The following EPHA6 variants were observed in gnomAD, a reference collection of about 807,000 sequenced individuals.
EPHA6 encodes ephrin type-A receptor 6.
In EPHA6, 50 loss-of-function variants were observed where a neutral mutation model predicts 112.0. The observed-to-expected ratio is 0.45, with a 90% confidence interval of 0.36 to 0.56. EPHA6 has a LOEUF of 0.56. EPHA6 is among the 20% of genes least tolerant of loss of function. The pLI is 0.00. For synonymous variants in EPHA6, 529 were observed against 490.7 expected, an observed-to-expected ratio of 1.08 and a Z score of -1.03; for missense variants, 1,280 against 1,417.4, an observed-to-expected ratio of 0.90 and a Z score of 1.56.
At chr3:97,479,574 C>T (rs1174917923) in intron 9 of EPHA6, among the ~76,000 whole-genome samples, 1 of 152,112 alleles carries the variant, frequency 6.6e-6, no homozygotes, top group African/African-American at 2.4e-5. Context: ...CCCAATTCTG[C>T]TTGCTGGAAA....
At chr3:97,724,920 T>C (rs1353580142) in intron 15 of EPHA6, among the ~76,000 whole-genome samples, 1 of 152,054 alleles carries the variant, frequency 6.6e-6, no homozygotes, top group Non-Finnish European at 1.5e-5. Context: ...GTTTTTTAAA[T>C]GGAAACAATA....
At position 97,202,352 on chromosome 3, in the gene EPHA6, C is replaced by G. The variant is rs949276406; in HGVS notation, c.1115-23912C>G. 8.8e-4 allele frequency among the ~76,000 whole-genome samples: 127 copies of G among 143,730 alleles called. 1 individual carries two copies. The highest frequency in any genetic ancestry group is 1.4e-3 in the East Asian group (7 of 4,902). The allele number at this position is 143,730 out of a possible 152,430, so 94.3% of individuals were successfully genotyped here. Reference sequence around the variant, plus strand: ...AAAGAATATTAAGGTATATTAAAATCTTTTTTTTTTTTTTGAGAGATGGAG... The same window carrying G: ...AAAGAATATTAAGGTATATTAAAATGTTTTTTTTTTTTTTGAGAGATGGAG... On this transcript the variant is annotated intron_variant, in intron 3 of 17. Transcript: ENST00000389672.
At chr3:97,109,551 G>T (rs1312622890) in intron 3 of EPHA6, among the ~76,000 whole-genome samples, 1 of 152,150 alleles carries the variant, frequency 6.6e-6, no homozygotes, top group Non-Finnish European at 1.5e-5. Context: ...TGCTTGGAGT[G>T]AAAAGTGAAG....
chr3:97,155,204 T>G (rs1229517376), intron 3 of EPHA6, among the ~76,000 whole-genome samples: 1 of 152,170 alleles, frequency 6.6e-6, no homozygotes, highest in Non-Finnish European at 1.5e-5. Context: ...TTTCAACATT[T>G]AATGTTCTAT....
rs77935917 is a variant in EPHA6 at position 97,285,660 on chromosome 3, C to T, written c.1606+41373C>T. The stretch of plus-strand genomic sequence containing the variant: ...CATTGATTCCATATATTTGCTATTG[C>T]AAATCGTGCTGCAGTGAACATGGGG... On this transcript the variant is annotated intron_variant, in intron 5 of 17. Transcript: ENST00000389672. 7.3e-4 allele frequency among the ~76,000 whole-genome samples: 111 copies of T among 151,796 alleles called. 1 individual carries two copies. In the East Asian group the frequency reaches 0.018, roughly 24 times the overall value.
intron 3 of EPHA6, among the ~76,000 whole-genome samples, chr3:97,066,808 A>T (rs557539223): frequency 6.6e-6 from 1 of 152,226 alleles, no homozygotes; most frequent in East Asian, 1.9e-4. Flanking sequence ...CAAATTTTAC[A>T]TGCCTGAGCA....
At chr3:97,243,114 A>G (rs949370791) in intron 4 of EPHA6, among the ~76,000 whole-genome samples, 2 of 151,856 alleles carry the variant, frequency 1.3e-5, no homozygotes, top group Non-Finnish European at 2.9e-5. Context: ...ACACGGTGTG[A>G]TCTTTGTGGA....
rs1419566592 is a variant in EPHA6 at position 97,761,227 on chromosome 3, T to A, written c.*12526T>A. ...CTACTATAATATTAATAACTTTCCA[T>A]GTAAATTTTCATGTGCTGGCATGCT... is the stretch of plus-strand genomic sequence containing the variant. On this transcript the variant is annotated 3_prime_UTR_variant, in exon 18 of 18. Coordinates refer to ENST00000389672, the MANE Select transcript of EPHA6 (RefSeq NM_001080448.3). 1 of 197,020 alleles carries A rather than the reference T, an allele frequency of 5.1e-6. No homozygotes were observed. The allele number at this position is 197,020 out of a possible 1,614,324, so 12.2% of individuals were successfully genotyped here.
At chr3:97,566,116 C>T (rs1408834951) in intron 11 of EPHA6, among the ~76,000 whole-genome samples, 1 of 151,946 alleles carries the variant, frequency 6.6e-6, no homozygotes, top group Non-Finnish European at 1.5e-5. Flanking sequence ...GTGAGAGTGC[C>T]AGGAAACTTA....
At chr3:97,542,454 A>G (rs1010195545) in intron 11 of EPHA6, among the ~76,000 whole-genome samples, 2 of 152,130 alleles carry the variant, frequency 1.3e-5, no homozygotes, top group Non-Finnish European at 2.9e-5. Flanking sequence ...ATAGTATTCC[A>G]TGGTGTATAT....
At chr3:97,054,411 T>A (rs2045786576) in intron 3 of EPHA6, among the ~76,000 whole-genome samples, 1 of 152,068 alleles carries the variant, frequency 6.6e-6, no homozygotes, top group African/African-American at 2.4e-5. Flanking sequence ...ATATTAGTTA[T>A]TAGAGAAAAG....
At chr3:96,944,350 C>A (rs1268282583) in intron 2 of EPHA6, among the ~76,000 whole-genome samples, 1 of 150,038 alleles carries the variant, frequency 6.7e-6, no homozygotes, top group Non-Finnish European at 1.5e-5. Flanking sequence ...TTAAATTTCT[C>A]TGGCTCGTTT....
intron 3 of EPHA6, among the ~76,000 whole-genome samples, chr3:97,088,599 C>A (rs922038656): frequency 6.6e-6 from 1 of 152,138 alleles, no homozygotes; most frequent in Non-Finnish European, 1.5e-5. Flanking sequence ...CTGAGACATA[C>A]TTTTGTGTTT....
At chr3:97,700,110 G>A (rs2107733530) in intron 14 of EPHA6, among the ~76,000 whole-genome samples, 2 of 152,300 alleles carry the variant, frequency 1.3e-5, no homozygotes, top group Non-Finnish European at 2.9e-5. Flanking sequence ...AAAAAGCACA[G>A]CAATTAAGAG....
At chr3:97,456,618 C>T (rs2090695714) in intron 7 of EPHA6, among the ~76,000 whole-genome samples, 3 of 151,844 alleles carry the variant, frequency 2.0e-5, no homozygotes, top group Non-Finnish European at 4.4e-5. Context: ...TTATTTTGTA[C>T]ATATATTAAT....
intron 3 of EPHA6, among the ~76,000 whole-genome samples, chr3:97,110,692 T>C (rs928592879): frequency 6.6e-6 from 1 of 151,886 alleles, no homozygotes; most frequent in Non-Finnish European, 1.5e-5. Flanking sequence ...ACCCAGATAA[T>C]TTTTGTATTT....
At chr3:97,090,565 C>A (rs1362014447) in intron 3 of EPHA6, among the ~76,000 whole-genome samples, 2 of 152,006 alleles carry the variant, frequency 1.3e-5, no homozygotes, top group African/African-American at 4.8e-5. Context: ...TCTACAGTAA[C>A]TAAAAAACAA....
chr3:97,386,812 AGACTTTCTGCC>A (rs1352502166), intron 5 of EPHA6, among the ~76,000 whole-genome samples: 1 of 151,962 alleles, frequency 6.6e-6, no homozygotes, highest in Non-Finnish European at 1.5e-5. Context: ...CCCCTGCAAC[AGACTTTCTGCC>A]TGGACATCCA....
intron 15 of EPHA6, among the ~76,000 whole-genome samples, chr3:97,725,426 CATAATTACCTCTAGTG>C (rs2034718265): frequency 6.6e-6 from 1 of 152,086 alleles, no homozygotes; most frequent in South Asian, 2.1e-4. Context: ...GCAGTTTCCC[CATAATTACCTCTAGTG>C]AGGGAGGAAT....
Sources: gnomAD v4.1 joint callset for allele counts (sites outside exome capture counted in the v4.1 genomes callset) on GRCh38, gnomAD v4.1.1 for gene constraint, MANE v1.5 for transcripts, NCBI Gene and HGNC (gene_info 2026-07-23, HGNC 2026-07-21) for gene names.